The following IPP variants were observed in gnomAD, a reference collection of about 807,000 sequenced individuals.
IPP encodes the protein intracisternal A particle-promoted polypeptide, also known as actin-binding protein IPP.
A neutral mutation model predicts 64.1 loss-of-function variants in IPP; 41 were observed. The observed-to-expected ratio is 0.64, with a 90% CI of 0.50 to 0.83. The LOEUF (loss-of-function observed/expected upper bound fraction) is 0.83. Ranked by LOEUF, IPP falls within the 40% of genes least tolerant of loss-of-function variation. The pLI, the probability that IPP is intolerant of heterozygous loss-of-function variation, is 0.00. For missense variants in IPP, 649 were observed against 703.0 expected, an observed-to-expected ratio of 0.92 and a Z score of 0.87; for synonymous variants, 214 against 235.2, an observed-to-expected ratio of 0.91 and a Z score of 0.83.
At chr1:45,733,804 C>A (rs1475162651) in intron 3 of IPP, among the ~76,000 whole-genome samples, 1 of 151,656 alleles carries the variant, frequency 6.6e-6, no homozygotes, top group Non-Finnish European at 1.5e-5. Flanking sequence ...TGCATTCCAG[C>A]CTGGGAGACA....
At chr1:45,714,042 A>G (rs1199294777) in intron 8 of IPP, among the ~76,000 whole-genome samples, 1 of 152,182 alleles carries the variant, frequency 6.6e-6, no homozygotes, top group Non-Finnish European at 1.5e-5. Context: ...GGAAAAATGG[A>G]AAAGTAAGAA....
intron 1 of IPP, among the ~76,000 whole-genome samples, chr1:45,748,319 G>A (rs1244451667): frequency 1.3e-5 from 2 of 151,858 alleles, no homozygotes; most frequent in East Asian, 1.9e-4. Flanking sequence ...ATCTATTTTG[G>A]GGGACAGGGT....
chr1:45,720,619 C>T (rs1290814921), intron 5 of IPP, among the ~76,000 whole-genome samples: 1 of 152,010 alleles, frequency 6.6e-6, no homozygotes, highest in East Asian at 1.9e-4. Flanking sequence ...TATATCAAGA[C>T]ATATAACAAA....
chr1:45,739,943 T>TGGTTTTCTAGGCAGAGGACCCTGCGGC, intron 3 of IPP, among the ~76,000 whole-genome samples: 2 of 152,252 alleles, frequency 1.3e-5, no homozygotes, highest in East Asian at 3.9e-4. Context: ...CAAAGGTCTC[T>TGGTTTTCTAGGCAGAGGACCCTGCGGC]GGTTTTCTAG....
At chr1:45,695,953 G>T (rs887105939), downstream of IPP, among the ~76,000 whole-genome samples, 1 of 152,208 alleles carries the variant, frequency 6.6e-6, no homozygotes, top group Non-Finnish European at 1.5e-5. Context: ...ACAGACATGA[G>T]CCACCGTGCC....
At chr1:45,713,221 A>C (rs1645613589) in intron 8 of IPP, among the ~76,000 whole-genome samples, 1 of 152,012 alleles carries the variant, frequency 6.6e-6, no homozygotes, top group African/African-American at 2.4e-5. Flanking sequence ...TAAGACCAGG[A>C]GTTTGAGATC....
At chr1:45,747,639 C>A (rs1319171188) in intron 1 of IPP, among the ~76,000 whole-genome samples, 1 of 151,886 alleles carries the variant, frequency 6.6e-6, no homozygotes, top group African/African-American at 2.4e-5. Flanking sequence ...ACCAACCTGA[C>A]CAACATGACA....
intron 5 of IPP, 89 bp downstream of exon 5, chr1:45,727,542 G>T (rs1456300174): frequency 4.7e-6 from 2 of 427,750 alleles, no homozygotes; most frequent in East Asian, 9.6e-5. Context: ...TTAGATATAT[G>T]TATATCACAT....
intron 2 of IPP, 49 bp downstream of exon 2, chr1:45,746,071 G>A (rs755516211): frequency 1.4e-6 from 2 of 1,446,322 alleles, no homozygotes; most frequent in South Asian, 1.2e-5. Context: ...ATTAGTGCAT[G>A]AGTGATTGAA....
intron 5 of IPP, among the ~76,000 whole-genome samples, chr1:45,719,926 C>T (rs1454455391): frequency 6.6e-6 from 1 of 151,976 alleles, no homozygotes; most frequent in Admixed American, 6.6e-5. Context: ...GGGGTTTCAC[C>T]TTGTTAGCCA....
chr1:45,712,298 T>TAAAAAAAAAAAAAAAAAAAAAA (rs71058702), intron 8 of IPP, among the ~76,000 whole-genome samples: 1 of 131,338 alleles, frequency 7.6e-6, no homozygotes. Context: ...AGACGACGTC[T>TAAAAAAAAAAAAAAAAAAAAAA]AAAAAAAAAA....
rs147143627 is a variant in IPP, at chr1:45,726,359, G to A, written c.1048+1272C>T. On this transcript the variant is annotated intron_variant, in intron 5 of 8. Coordinates refer to ENST00000396478, the MANE Select transcript of IPP (RefSeq NM_005897.3). ...TGTAATCCCAGCTACAGAGGAGGCT[G>A]AGGCAGGAGAATCGCTTGAACCCGG... 9.5e-3 allele frequency among the ~76,000 whole-genome samples: 1,452 copies of A among 152,174 alleles called. 12 individuals carry two copies. Among genetic ancestry groups the A allele is most frequent in the Non-Finnish European group, 0.014 (955 of 67,998 alleles).
chr1:45,745,365 T>G (rs1646120423), intron 2 of IPP, among the ~76,000 whole-genome samples: 1 of 152,176 alleles, frequency 6.6e-6, no homozygotes. Context: ...TAAGTTTTTT[T>G]GGGTTGTGTT....
chr1:45,745,984 A>G (rs1646128055), intron 2 of IPP, 136 bp downstream of exon 2: 3 of 681,362 alleles, frequency 4.4e-6, no homozygotes, highest in African/African-American at 1.8e-5. Context: ...CCGGGTCATA[A>G]GATATGAATT....
In IPP at chr1:45,740,889, C is replaced by CA. The variant is rs777184023; in HGVS notation, c.724+11dup. 1 of 1,510,628 alleles carries CA rather than the reference C, an allele frequency of 6.6e-7. No individual in the cohort carries two copies. The highest frequency in any genetic ancestry group is 2.3e-5 in the East Asian group (1 of 44,132). 93.6% of individuals were successfully genotyped at this position (1,510,628 alleles called of 1,614,324 possible). A position where few individuals can be genotyped will look rare whatever the true frequency, so the allele number is the denominator to read the frequency against. On this transcript the variant is annotated intron_variant, in intron 3 of 8. Transcript: ENST00000396478. ...ATTAATCAACTAATTCGATATATAG[C>CA]AAAAAAGTTACCTTCTATATACTTT...
At chr1:45,719,099 C>T (rs1645697821) in intron 6 of IPP, 104 bp downstream of exon 6, 3 of 1,039,268 alleles carry the variant, frequency 2.9e-6, no homozygotes, top group Non-Finnish European at 4.3e-6. Flanking sequence ...GTGCCTGTAT[C>T]TCATGTGCCC....
rs768723998 is a variant in IPP at position 45,729,690 on chromosome 1, C to A, written c.804G>T (p.Glu268Asp). 2.5e-6 allele frequency: 4 copies of A among 1,612,316 alleles called. No homozygotes were observed. The South Asian group carries it at 4.4e-5, about 18-fold the overall frequency. ...TCTGCAGAAAACTACAAAACTTGTT[C>A]TCTTTGGGAGATTTGCATACTTCAC... ...EYCEVCKSPK[E>D]NKFCSFLQTS... Residue 268 changes from glutamate (E) to aspartate (D), a missense_variant, in exon 4 of 9, where the codon GAG (glutamate) becomes GAT (aspartate). Physicochemically the swap from Glu to Asp is conservative, Grantham distance 45. Transcript: ENST00000396478.
chr1:45,724,173 G>A (rs1645772421), intron 5 of IPP, among the ~76,000 whole-genome samples: 1 of 152,080 alleles, frequency 6.6e-6, no homozygotes, highest in Non-Finnish European at 1.5e-5. Context: ...TGGTGGAGAC[G>A]GGGTTTTGCT....
intron 8 of IPP, among the ~76,000 whole-genome samples, chr1:45,709,589 A>G (rs968489243): frequency 6.6e-6 from 1 of 151,670 alleles, no homozygotes; most frequent in Non-Finnish European, 1.5e-5. Context: ...TCACGCCTGT[A>G]ATCCCAACAC....
Sources: allele counts gnomAD v4.1 joint callset (sites outside exome capture counted in the v4.1 genomes callset), GRCh38; gene constraint gnomAD v4.1.1; transcripts MANE v1.5; gene names NCBI Gene and HGNC (gene_info 2026-07-23, HGNC 2026-07-21).